The following DLG2 variants were observed in gnomAD, a reference collection of about 807,000 sequenced individuals.
DLG2 encodes the protein discs large MAGUK scaffold protein 2.
A neutral mutation model predicts 132.5 loss-of-function variants in DLG2; 45 were observed. The observed-to-expected ratio is 0.34, with a 90% CI of 0.27 to 0.44. DLG2 has a LOEUF of 0.44. Among genes scored for constraint, DLG2 ranks in the 20% least tolerant of loss-of-function variants. The pLI is 1.00. For synonymous variants in DLG2, 424 were observed against 419.6 expected (o/e 1.01, Z -0.13); for missense variants, 1,045 against 1,196.9 (o/e 0.87, Z 1.87).
At chr11:84,540,478 C>A (rs2099365830) in intron 6 of DLG2, among the ~76,000 whole-genome samples, 1 of 152,126 alleles carries the variant, frequency 6.6e-6, no homozygotes, top group Non-Finnish European at 1.5e-5. Context: ...AAATGCAAAT[C>A]AGAACCACAA....
chr11:84,192,936 A>C (rs1247603223), intron 8 of DLG2, among the ~76,000 whole-genome samples: 4 of 152,174 alleles, frequency 2.6e-5, no homozygotes, highest in Non-Finnish European at 5.9e-5. Flanking sequence ...ACATGAAATC[A>C]TAATAAACTC....
chr11:83,515,477 C>T (rs1374728886), intron 21 of DLG2, among the ~76,000 whole-genome samples: 1 of 152,074 alleles, frequency 6.6e-6, no homozygotes, highest in African/African-American at 2.4e-5. Flanking sequence ...AAAACAAGCT[C>T]CTGGATTCAT....
intron 8 of DLG2, among the ~76,000 whole-genome samples, chr11:84,249,426 A>G (rs1383620665): frequency 1.3e-5 from 2 of 152,192 alleles, no homozygotes; most frequent in Non-Finnish European, 2.9e-5. Context: ...GCATGTTAGA[A>G]ATTAAATAAG....
chr11:85,353,632 T>C (rs2083465723), intron 3 of DLG2, among the ~76,000 whole-genome samples: 1 of 152,180 alleles, frequency 6.6e-6, no homozygotes, highest in African/African-American at 2.4e-5. Context: ...ATGTGGCACA[T>C]ATACACCATG....
At chr11:83,580,381 G>C (rs1397118940) in intron 19 of DLG2, among the ~76,000 whole-genome samples, 1 of 151,556 alleles carries the variant, frequency 6.6e-6, no homozygotes, top group Admixed American at 6.6e-5. Context: ...AACATTTATT[G>C]AGCACTACTC....
intron 4 of DLG2, among the ~76,000 whole-genome samples, chr11:85,164,120 C>G (rs1361541574): frequency 6.6e-6 from 1 of 152,134 alleles, no homozygotes; most frequent in Non-Finnish European, 1.5e-5. Context: ...TTATGCAGAT[C>G]AAAGTCTCTC....
At chr11:84,614,509 G>A (rs1382592202) in intron 6 of DLG2, among the ~76,000 whole-genome samples, 1 of 152,196 alleles carries the variant, frequency 6.6e-6, no homozygotes, top group African/African-American at 2.4e-5. Flanking sequence ...CCAACAGAGA[G>A]AAATAGGTTT....
At chr11:84,515,512 G>C (rs2099270240) in intron 7 of DLG2, among the ~76,000 whole-genome samples, 1 of 151,792 alleles carries the variant, frequency 6.6e-6, no homozygotes, top group African/African-American at 2.4e-5. Flanking sequence ...ATAATGATAA[G>C]GGGTTCAATT....
At chr11:83,809,500 G>A (rs1051944416) in intron 17 of DLG2, among the ~76,000 whole-genome samples, 12 of 152,088 alleles carry the variant, frequency 7.9e-5, no homozygotes, top group African/African-American at 2.9e-4. Flanking sequence ...ATAGAGACCT[G>A]CTACATATCA....
chr11:84,461,012 C>T (rs764942028), intron 7 of DLG2, among the ~76,000 whole-genome samples: 3 of 150,722 alleles, frequency 2.0e-5, no homozygotes, highest in South Asian at 2.1e-4. Flanking sequence ...CAGGAAAATA[C>T]ATGAAATGGC....
At chr11:84,911,930 C>A (rs1324119130) in intron 6 of DLG2, among the ~76,000 whole-genome samples, 1 of 152,028 alleles carries the variant, frequency 6.6e-6, no homozygotes, top group African/African-American at 2.4e-5. Flanking sequence ...GCCGATACTG[C>A]AGTTAATTTT....
At chr11:85,492,883 A>C (rs1324825393) in intron 3 of DLG2, among the ~76,000 whole-genome samples, 2 of 152,142 alleles carry the variant, frequency 1.3e-5, no homozygotes, top group East Asian at 3.9e-4. Flanking sequence ...AAAAAGAAAA[A>C]ATAAGTTGCC....
intron 7 of DLG2, among the ~76,000 whole-genome samples, chr11:84,455,808 C>A (rs886899928): frequency 6.6e-6 from 1 of 151,310 alleles, no homozygotes. Context: ...GGGAATTCAA[C>A]TGTATCATCT....
intron 14 of DLG2, among the ~76,000 whole-genome samples, chr11:83,939,067 A>G (rs561307009): frequency 6.6e-6 from 1 of 152,204 alleles, no homozygotes; most frequent in South Asian, 2.1e-4. Flanking sequence ...TTTACATCAT[A>G]AATCACTAGC....
intron 8 of DLG2, among the ~76,000 whole-genome samples, chr11:84,229,354 G>C (rs2097057756): frequency 6.6e-6 from 1 of 152,144 alleles, no homozygotes; most frequent in African/African-American, 2.4e-5. Flanking sequence ...TTAATGAAGC[G>C]ATGATACCAT....
intron 6 of DLG2, among the ~76,000 whole-genome samples, chr11:84,844,273 C>G: frequency 6.6e-6 from 1 of 150,552 alleles, no homozygotes; most frequent in Non-Finnish European, 1.5e-5. Context: ...TATACACACA[C>G]ACATTACTTT....
intron 6 of DLG2, among the ~76,000 whole-genome samples, chr11:84,562,190 C>T (rs10898263): frequency 0.31 from 47,713 of 151,874 alleles, 7,881 homozygotes; most frequent in South Asian, 0.45. Context: ...CTATGAGAAA[C>T]ACTATTCAGA....
chr11:84,820,729 C>CTTT (rs137917172), intron 6 of DLG2, among the ~76,000 whole-genome samples: 6 of 147,784 alleles, frequency 4.1e-5, no homozygotes, highest in African/African-American at 1.2e-4. Context: ...AGTGAAATAC[C>CTTT]TTTTTTTTTT....
chr11:83,919,782 T>C (rs1050283706), intron 15 of DLG2, among the ~76,000 whole-genome samples: 1 of 152,224 alleles, frequency 6.6e-6, no homozygotes, highest in Admixed American at 6.5e-5. Context: ...TCTCTGAACC[T>C]ATGTTAGCAT....
Sources: gnomAD v4.1 joint callset for allele counts (sites outside exome capture counted in the v4.1 genomes callset) on GRCh38, gnomAD v4.1.1 for gene constraint, MANE v1.5 for transcripts, NCBI Gene and HGNC (gene_info 2026-07-23, HGNC 2026-07-21) for gene names.